The following PSMD14 variants were observed in gnomAD, a reference collection of about 807,000 sequenced individuals.
PSMD14 encodes the protein proteasome 26S subunit, non-ATPase 14, also known as ubiquitin C-terminal hydrolase PSMD14.
In PSMD14, 7 loss-of-function variants were observed where a neutral mutation model predicts 41.2. The observed-to-expected ratio is 0.17, with a 90% confidence interval of 0.10 to 0.32. The LOEUF (loss-of-function observed/expected upper bound fraction) is 0.32, where lower values mean the gene tolerates loss of function less well. PSMD14 is among the 10% of genes least tolerant of loss of function. PSMD14 has a pLI of 1.00. For missense variants in PSMD14, 139 were observed against 375.6 expected (o/e 0.37, Z 5.21); for synonymous variants, 114 against 122.3 (o/e 0.93, Z 0.45).
At chr2:161,321,765 C>G (rs1682611800) in intron 3 of PSMD14, among the ~76,000 whole-genome samples, 1 of 152,106 alleles carries the variant, frequency 6.6e-6, no homozygotes, top group Non-Finnish European at 1.5e-5. Context: ...ATTAGGAGGA[C>G]CAGTGAAATG....
At chr2:161,324,203 A>G (rs1682658935) in intron 3 of PSMD14, among the ~76,000 whole-genome samples, 2 of 152,366 alleles carry the variant, frequency 1.3e-5, no homozygotes, top group South Asian at 2.1e-4. Flanking sequence ...ATTATATACT[A>G]TAACGAATTC....
At chr2:161,320,745 A>C (rs1682562459) in intron 3 of PSMD14, among the ~76,000 whole-genome samples, 1 of 151,492 alleles carries the variant, frequency 6.6e-6, no homozygotes, top group Non-Finnish European at 1.5e-5. Flanking sequence ...TTTTTTTTTG[A>C]GATGGAGTCT....
chr2:161,406,334 C>A (rs1237735479), intron 10 of PSMD14, among the ~76,000 whole-genome samples: 1 of 152,130 alleles, frequency 6.6e-6, no homozygotes, highest in African/African-American at 2.4e-5. Flanking sequence ...AAAAACGTTT[C>A]TAGTGTGAAT....
chr2:161,370,728 C>G (rs1237794657), intron 6 of PSMD14, among the ~76,000 whole-genome samples: 2 of 152,148 alleles, frequency 1.3e-5, no homozygotes, highest in African/African-American at 4.8e-5. Context: ...TGGTTTTTGA[C>G]TGAGTTCCTA....
At chr2:161,354,539 C>G (rs1006044716) in intron 3 of PSMD14, among the ~76,000 whole-genome samples, 3 of 151,908 alleles carry the variant, frequency 2.0e-5, no homozygotes, top group African/African-American at 7.3e-5. Flanking sequence ...TGATTGTTAC[C>G]CAAAGTGGGA....
At chr2:161,331,297 C>G (rs1036150494) in intron 3 of PSMD14, among the ~76,000 whole-genome samples, 31 of 150,472 alleles carry the variant, frequency 2.1e-4, no homozygotes, top group Middle Eastern at 3.2e-3. Context: ...GAGTCTCACT[C>G]TGTTGCTCGG....
At chr2:161,369,253 A>G (rs1683400515) in intron 5 of PSMD14, among the ~76,000 whole-genome samples, 1 of 152,006 alleles carries the variant, frequency 6.6e-6, no homozygotes, top group South Asian at 2.1e-4. Context: ...TATTCACTCT[A>G]ATTCTATTTT....
At chr2:161,339,180 A>G (rs1026999508) in intron 3 of PSMD14, among the ~76,000 whole-genome samples, 1 of 152,202 alleles carries the variant, frequency 6.6e-6, no homozygotes, top group Non-Finnish European at 1.5e-5. Flanking sequence ...GCTGGACCAT[A>G]TGGTAGGTAT....
chr2:161,362,825 G>GT (rs1464967765), intron 3 of PSMD14, among the ~76,000 whole-genome samples: 2 of 152,156 alleles, frequency 1.3e-5, no homozygotes, highest in Admixed American at 1.3e-4. Context: ...TCAAGATACA[G>GT]TTTTTTATTC....
chr2:161,409,195 AATAAG>A (rs747683730), intron 11 of PSMD14, among the ~76,000 whole-genome samples: 16 of 152,112 alleles, frequency 1.1e-4, no homozygotes, highest in Non-Finnish European at 2.4e-4. Context: ...CCTACAGATA[AATAAG>A]ATAATAGAAG....
At chr2:161,397,754 A>G (rs1036520850) in intron 10 of PSMD14, among the ~76,000 whole-genome samples, 29 of 152,232 alleles carry the variant, frequency 1.9e-4, no homozygotes, top group African/African-American at 7.0e-4. Flanking sequence ...TCCCAGCAGA[A>G]TTAGGGTTGG....
intron 1 of PSMD14, among the ~76,000 whole-genome samples, chr2:161,314,798 C>T (rs779499335): frequency 2.6e-5 from 4 of 152,102 alleles, no homozygotes; most frequent in Non-Finnish European, 4.4e-5. Flanking sequence ...TTTGTTTATC[C>T]ATTCATTTTT....
intron 10 of PSMD14, among the ~76,000 whole-genome samples, chr2:161,399,340 T>C (rs1315247716): frequency 6.6e-6 from 1 of 152,134 alleles, no homozygotes; most frequent in Non-Finnish European, 1.5e-5. Context: ...ATTTACTGAG[T>C]GTTTGTTACG....
chr2:161,371,353 A>G lies in PSMD14; in HGVS notation c.462+31A>G, dbSNP rs561640361. 8.8e-6 allele frequency: 14 copies of G among 1,583,318 alleles called. No homozygotes were observed. The African/African-American group carries it at 1.3e-4, about 15-fold the overall frequency. On this transcript the variant is annotated intron_variant, in intron 7 of 11. Transcript: ENST00000409682. Reference sequence around the variant, plus strand: ...GTAGATTCTATCTTTATTGCCATCTACTGCCACATTCTGTTTACAGATACA... The same window carrying G: ...GTAGATTCTATCTTTATTGCCATCTGCTGCCACATTCTGTTTACAGATACA...
At chr2:161,399,600 A>AT (rs763035887) in intron 10 of PSMD14, among the ~76,000 whole-genome samples, 2 of 152,132 alleles carry the variant, frequency 1.3e-5, no homozygotes, top group African/African-American at 2.4e-5. Context: ...CCTATAAAAT[A>AT]TTTTTTTAAA....
chr2:161,389,883 TTTG>T (rs1158919504), intron 8 of PSMD14, among the ~76,000 whole-genome samples: 4 of 50,482 alleles, frequency 7.9e-5, no homozygotes, highest in African/African-American at 2.2e-4. Flanking sequence ...TTCTTTCTTT[TTTG>T]TTGTTTTTTT....
chr2:161,410,430 T>A (rs566435354), intron 11 of PSMD14, among the ~76,000 whole-genome samples: 1 of 152,216 alleles, frequency 6.6e-6, no homozygotes, highest in Non-Finnish European at 1.5e-5. Context: ...ATCGTAAGAA[T>A]ATAATCATTT....
intron 1 of PSMD14, among the ~76,000 whole-genome samples, chr2:161,310,199 C>T (rs1689072820): frequency 6.6e-6 from 1 of 152,078 alleles, no homozygotes; most frequent in Admixed American, 6.5e-5. Flanking sequence ...ATGGGTTCAT[C>T]TTATTTTCAT....
chr2:161,312,845 A>G (rs1449358603), intron 1 of PSMD14, among the ~76,000 whole-genome samples: 2 of 152,212 alleles, frequency 1.3e-5, no homozygotes, highest in African/African-American at 4.8e-5. Flanking sequence ...GCGAAATGCA[A>G]GTCCCTATCT....
Sources: gnomAD v4.1 joint callset for allele counts (sites outside exome capture counted in the v4.1 genomes callset) on GRCh38, gnomAD v4.1.1 for gene constraint, MANE v1.5 for transcripts, NCBI Gene and HGNC (gene_info 2026-07-23, HGNC 2026-07-21) for gene names.